Variants in GRM5 observed in about 807,000 individuals in gnomAD.
The protein encoded by GRM5 is glutamate metabotropic receptor 5, also known as metabotropic glutamate receptor 5.
In GRM5, 19 loss-of-function variants were observed where a neutral mutation model predicts 83.1. The ratio of observed to expected loss-of-function variants is 0.23; its 90% CI spans 0.16 to 0.34. The LOEUF (loss-of-function observed/expected upper bound fraction) is 0.34. Among genes scored for constraint, GRM5 ranks in the 10% least tolerant of loss-of-function variants. The pLI, the probability that GRM5 is intolerant of heterozygous loss-of-function variation, is 1.00. For missense variants in GRM5, 1,160 were observed against 1,588.3 expected (o/e 0.73, Z 4.58); for synonymous variants, 675 against 633.6 (o/e 1.07, Z -0.98).
chr11:88,783,351 C>T (rs963112415), intron 3 of GRM5, among the ~76,000 whole-genome samples: 11 of 152,042 alleles, frequency 7.2e-5, no homozygotes, highest in Non-Finnish European at 2.9e-5. Context: ...TATACATTAT[C>T]ATTGAACTTC....
At chr11:88,992,943 C>A (rs925769668) in intron 2 of GRM5, among the ~76,000 whole-genome samples, 1 of 151,364 alleles carries the variant, frequency 6.6e-6, no homozygotes, top group African/African-American at 2.4e-5. Flanking sequence ...TGTAGCACAC[C>A]AACATGGCAC....
At chr11:88,660,977 C>T (rs962038576) in intron 3 of GRM5, among the ~76,000 whole-genome samples, 3 of 152,144 alleles carry the variant, frequency 2.0e-5, no homozygotes, top group Non-Finnish European at 1.5e-5. Context: ...ACATTCATTG[C>T]TTTATTCACT....
chr11:89,062,813 C>T (rs1224554823), intron 1 of GRM5, among the ~76,000 whole-genome samples: 4 of 152,254 alleles, frequency 2.6e-5, no homozygotes, highest in South Asian at 2.1e-4. Context: ...GGCTAGCCTC[C>T]GCACTCACGG....
chr11:88,805,518 G>A (rs766429092), intron 3 of GRM5, among the ~76,000 whole-genome samples: 25 of 143,948 alleles, frequency 1.7e-4, no homozygotes, highest in Non-Finnish European at 3.3e-4. Flanking sequence ...AGAAAATATT[G>A]ATTTTTAATA....
intron 2 of GRM5, among the ~76,000 whole-genome samples, chr11:88,867,740 A>T (rs528895931): frequency 6.6e-6 from 1 of 151,702 alleles, no homozygotes; most frequent in Non-Finnish European, 1.5e-5. Context: ...CAAGGAGAAG[A>T]TGGCATCTAC....
intron 8 of GRM5, among the ~76,000 whole-genome samples, chr11:88,561,288 G>A (rs1028247891): frequency 1.3e-5 from 2 of 152,156 alleles, no homozygotes; most frequent in East Asian, 3.9e-4. Flanking sequence ...GCTAATTAAA[G>A]CAAAGTTAAT....
chr11:89,028,083 G>A (rs569021967), intron 2 of GRM5, among the ~76,000 whole-genome samples: 179 of 152,228 alleles, frequency 1.2e-3, no homozygotes, highest in Non-Finnish European at 1.8e-3. Context: ...ATCTGCCAGC[G>A]TCTTGATACT....
chr11:88,772,966 G>A (rs527641807), intron 3 of GRM5, among the ~76,000 whole-genome samples: 2 of 152,316 alleles, frequency 1.3e-5, no homozygotes, highest in East Asian at 3.9e-4. Flanking sequence ...TATATACCCA[G>A]TAATGGGATT....
Position 88,844,357 on chromosome 11 carries a change from TACACACACACACAC to T in GRM5, c.911+5535_911+5548del, listed in dbSNP as rs3031469. Reference sequence around the variant, plus strand: ...TTTTAAGTCTACTTTTCAGAATTACTACACACACACACACACACACACACACACACACATATATA... The same window carrying T: ...TTTTAAGTCTACTTTTCAGAATTACTACACACACACACACACACATATATA... On this transcript the variant is annotated intron_variant, in intron 3 of 9. Transcript: ENST00000305447. 1.3e-4 allele frequency among the ~76,000 whole-genome samples: 19 copies of T among 146,212 alleles called. No individual in the cohort carries two copies. In the South Asian group the frequency reaches 4.0e-3, roughly 30 times the overall value.
At chr11:88,734,672 T>A (rs987968104) in intron 3 of GRM5, among the ~76,000 whole-genome samples, 2 of 152,092 alleles carry the variant, frequency 1.3e-5, no homozygotes, top group Non-Finnish European at 2.9e-5. Flanking sequence ...ACTTTGTAAC[T>A]TTTTAGATTA....
intron 2 of GRM5, among the ~76,000 whole-genome samples, chr11:88,994,625 A>C (rs1163311036): frequency 6.7e-6 from 1 of 149,502 alleles, no homozygotes; most frequent in African/African-American, 2.4e-5. Context: ...AAAAAAAAAA[A>C]AACAGTAAAA....
At chr11:89,018,527 T>A (rs551745627) in intron 2 of GRM5, among the ~76,000 whole-genome samples, 3 of 152,340 alleles carry the variant, frequency 2.0e-5, no homozygotes, top group Non-Finnish European at 4.4e-5. Context: ...AAAAATTTAT[T>A]CTACTATGTC....
rs185821284 is a variant in GRM5, at chr11:88,685,123, T to C, written c.912-31720A>G. On this transcript the variant is annotated intron_variant, in intron 3 of 9. Coordinates refer to ENST00000305447, the MANE Select transcript of GRM5 (RefSeq NM_001143831.3). Reference sequence around the variant, plus strand: ...AGTTTGGAACTTCCTAGAGACTTGCTGAATGGCTTTGACCAAAAGCCTGAT... The same window carrying C: ...AGTTTGGAACTTCCTAGAGACTTGCCGAATGGCTTTGACCAAAAGCCTGAT... 2.6e-3 allele frequency among the ~76,000 whole-genome samples: 393 copies of C among 152,312 alleles called. 2 individuals carry two copies. The highest frequency in any genetic ancestry group is 9.1e-3 in the African/African-American group (377 of 41,580).
intron 2 of GRM5, among the ~76,000 whole-genome samples, chr11:88,986,727 C>CT (rs60281684): frequency 0.6 from 55,774 of 92,880 alleles, 18,763 homozygotes; most frequent in South Asian, 0.83. Flanking sequence ...TTTATTTTTG[C>CT]TTTTTTTTTT....
chr11:88,979,932 T>C (rs573801235), intron 2 of GRM5, among the ~76,000 whole-genome samples: 20 of 152,204 alleles, frequency 1.3e-4, no homozygotes, highest in Admixed American at 6.5e-4. Context: ...AGACCTCACA[T>C]TGGCCTAACC....
intron 8 of GRM5, among the ~76,000 whole-genome samples, chr11:88,560,544 A>T (rs1340638388): frequency 6.6e-6 from 1 of 152,192 alleles, no homozygotes; most frequent in East Asian, 1.9e-4. Context: ...TTAGAAAGAA[A>T]GCATTTTTTT....
chr11:88,942,804 A>C (rs1366923007), intron 2 of GRM5, among the ~76,000 whole-genome samples: 1 of 152,008 alleles, frequency 6.6e-6, no homozygotes, highest in Non-Finnish European at 1.5e-5. Flanking sequence ...TGATTTTAAC[A>C]ATATTTTATT....
chr11:88,602,839 T>C (rs537344092), intron 5 of GRM5, among the ~76,000 whole-genome samples: 1 of 152,202 alleles, frequency 6.6e-6, no homozygotes, highest in Non-Finnish European at 1.5e-5. Flanking sequence ...AGTAGAACAC[T>C]TGGCTTAGTC....
intron 7 of GRM5, among the ~76,000 whole-genome samples, chr11:88,568,727 T>G (rs543690450): frequency 1.3e-5 from 2 of 152,206 alleles, no homozygotes; most frequent in South Asian, 4.2e-4. Context: ...TGAATGGATG[T>G]GGGAGTGTGT....
Sources: gnomAD v4.1 joint callset for allele counts (sites outside exome capture counted in the v4.1 genomes callset) on GRCh38, gnomAD v4.1.1 for gene constraint, MANE v1.5 for transcripts, NCBI Gene and HGNC (gene_info 2026-07-23, HGNC 2026-07-21) for gene names.